The following NR4A3 variants were observed in gnomAD, a reference collection of about 807,000 sequenced individuals.
The protein encoded by NR4A3 is chondrosarcoma, extraskeletal myxoid, fused to EWS.
A neutral mutation model predicts 55.6 loss-of-function variants in NR4A3; 13 were observed. That is an observed-to-expected ratio of 0.23 (90% CI 0.15 to 0.37). The LOEUF is 0.37. Among genes scored for constraint, NR4A3 ranks in the 10% least tolerant of loss-of-function variants. The pLI, the probability that NR4A3 is intolerant of heterozygous loss-of-function variation, is 1.00. For synonymous variants in NR4A3, 342 were observed against 357.9 expected, an observed-to-expected ratio of 0.96 and a Z score of 0.50; for missense variants, 646 against 822.8, an observed-to-expected ratio of 0.79 and a Z score of 2.63.
At chr9:99,852,542 CT>C (rs2118140973) in intron 7 of NR4A3, among the ~76,000 whole-genome samples, 1 of 152,264 alleles carries the variant, frequency 6.6e-6, no homozygotes, top group East Asian at 1.9e-4. Flanking sequence ...GAGCAAAACG[CT>C]TTTCCTGTAC....
intron 3 of NR4A3, among the ~76,000 whole-genome samples, chr9:99,829,663 G>A (rs1406000503): frequency 6.6e-6 from 1 of 152,110 alleles, no homozygotes; most frequent in Non-Finnish European, 1.5e-5. Context: ...AGGGACAACT[G>A]TCTTCTTCTA....
chr9:99,864,086 G>C lies in NR4A3; in HGVS notation c.*219G>C. ...TGTTGGGGTTGTGTTTTATATTTAGGCATTGGGGGATGGGGTGGGAGGGGG... is the reference window on the plus strand; with the variant it reads ...TGTTGGGGTTGTGTTTTATATTTAGCCATTGGGGGATGGGGTGGGAGGGGG... On this transcript the variant is annotated 3_prime_UTR_variant, in exon 8 of 8. Transcript: ENST00000395097. 1 of 448,352 alleles carries C rather than the reference G, an allele frequency of 2.2e-6. No individual in the cohort carries two copies. The highest frequency in any genetic ancestry group is 4.0e-6 in the Non-Finnish European group (1 of 251,534). 27.8% of individuals were successfully genotyped at this position (448,352 alleles called of 1,614,324 possible).
chr9:99,823,152 T>C (rs1047881272), intron 1 of NR4A3, among the ~76,000 whole-genome samples: 3 of 152,172 alleles, frequency 2.0e-5, no homozygotes, highest in African/African-American at 7.2e-5. Flanking sequence ...CCCTCTCCTC[T>C]GGACGTTGGC....
rs879156300 is a variant in NR4A3 at position 99,826,614 on chromosome 9, A to G, written c.-3+782A>G. On this transcript the variant is annotated intron_variant, in intron 2 of 7. Coordinates refer to ENST00000395097, the MANE Select transcript of NR4A3 (RefSeq NM_006981.4). ...ATGATTAGCCTTTCATTTCATCCCAACAACTGGACAGCAAGATAAGTAACT... is the reference window on the plus strand; with the variant it reads ...ATGATTAGCCTTTCATTTCATCCCAGCAACTGGACAGCAAGATAAGTAACT... 27 of 634,020 alleles carry G rather than the reference A, an allele frequency of 4.3e-5. 1 individual carries two copies. In the Middle Eastern group the frequency reaches 8.5e-4, roughly 20 times the overall value. 39.3% of individuals were successfully genotyped at this position (634,020 alleles called of 1,614,324 possible).
chr9:99,843,254 A>G (rs941170323), intron 5 of NR4A3, among the ~76,000 whole-genome samples: 1 of 152,222 alleles, frequency 6.6e-6, no homozygotes, highest in Non-Finnish European at 1.5e-5. Flanking sequence ...ACATTTGGCC[A>G]TTGAACACTT....
chr9:99,832,008 G>C (rs1205872782), intron 3 of NR4A3, among the ~76,000 whole-genome samples: 7 of 151,826 alleles, frequency 4.6e-5, no homozygotes, highest in Admixed American at 4.6e-4. Flanking sequence ...TTTTTCGTTT[G>C]TACCTTGGGG....
intron 5 of NR4A3, among the ~76,000 whole-genome samples, chr9:99,838,099 T>C (rs1827591620): frequency 6.6e-6 from 1 of 152,186 alleles, no homozygotes; most frequent in South Asian, 2.1e-4. Context: ...TTGATTTGTC[T>C]CTCCTCAAAA....
chr9:99,823,406 T>C (rs1427256720), intron 1 of NR4A3, among the ~76,000 whole-genome samples: 1 of 152,082 alleles, frequency 6.6e-6, no homozygotes, highest in Non-Finnish European at 1.5e-5. Flanking sequence ...AGATTGCCTT[T>C]TATTTATTTA....
intron 3 of NR4A3, among the ~76,000 whole-genome samples, chr9:99,831,853 C>T (rs1336836344): frequency 6.6e-6 from 1 of 152,152 alleles, no homozygotes; most frequent in Non-Finnish European, 1.5e-5. Context: ...AAAAATACAA[C>T]ATCATTTTTC....
chr9:99,832,935 A>G, intron 4 of NR4A3, 117 bp downstream of exon 4: 4 of 915,298 alleles, frequency 4.4e-6, no homozygotes, highest in Non-Finnish European at 6.3e-6. Flanking sequence ...TCCTTTCAAC[A>G]TTTTATTTTT....
intron 3 of NR4A3, 63 bp from the exon 4 acceptor site, chr9:99,832,626 C>A: frequency 3.0e-6 from 4 of 1,320,658 alleles, no homozygotes; most frequent in Non-Finnish European, 2.0e-6. Context: ...TAAAATACAT[C>A]TTGTCAGGTC....
At position 99,847,394 on chromosome 9, in the gene NR4A3, T is replaced by C. The variant is rs747185159; in HGVS notation, c.1455-43T>C. 2.0e-5 allele frequency: 32 copies of C among 1,582,062 alleles called. No individual in the cohort carries two copies. In the South Asian group the frequency reaches 2.9e-4, roughly 15 times the overall value. Reference sequence around the variant, plus strand: ...TCATAATGTTATCATGTTGGACAGATTGAACAGACCTGTTTAATGTTTGTC... The same window carrying C: ...TCATAATGTTATCATGTTGGACAGACTGAACAGACCTGTTTAATGTTTGTC... On this transcript the variant is annotated intron_variant, in intron 6 of 7. Transcript: ENST00000395097.
At position 99,864,140 on chromosome 9, in the gene NR4A3, T is replaced by C. The variant is rs750954005; in HGVS notation, c.*273T>C. On this transcript the variant is annotated 3_prime_UTR_variant, in exon 8 of 8. Coordinates refer to ENST00000395097, the MANE Select transcript of NR4A3 (RefSeq NM_006981.4). ...TAGTTCATGAGGGTTTTCTAAGAAA[T>C]TGCTAACAAAGCACTTTTGGACAAT... 1.4e-5 allele frequency: 5 copies of C among 367,840 alleles called. No homozygotes were observed. Among genetic ancestry groups the C allele is most frequent in the Admixed American group, 4.3e-5 (1 of 23,386 alleles). 22.8% of individuals were successfully genotyped at this position (367,840 alleles called of 1,614,324 possible). A position where few individuals can be genotyped will look rare whatever the true frequency, so the allele number is the denominator to read the frequency against.
rs1158267526 is a variant in NR4A3, at chr9:99,822,883, G to A, written c.-177+476G>A. Among the ~76,000 whole-genome samples, 1 of 152,136 alleles carries A rather than the reference G, an allele frequency of 6.6e-6. No homozygotes were observed. The highest frequency in any genetic ancestry group is 1.5e-5 in the Non-Finnish European group (1 of 68,018). ...GTCCAAGTAAATGTTGCTAATGGTG[G>A]CACCGAGCTGGTTCTCTGGAAGGAA... On this transcript the variant is annotated intron_variant, in intron 1 of 7. Transcript: ENST00000395097. This position sits in a 1 kb window ranked among gnomAD's most constrained non-coding sequence, Gnocchi z 4.9.
At chr9:99,832,192 T>G (rs1827458240) in intron 3 of NR4A3, among the ~76,000 whole-genome samples, 1 of 152,228 alleles carries the variant, frequency 6.6e-6, no homozygotes, top group Admixed American at 6.5e-5. Context: ...CTATATGTTT[T>G]AATTAGAAAA....
At chr9:99,833,492 A>C (rs1381953829) in intron 5 of NR4A3, 38 bp downstream of exon 5, 9 of 1,613,942 alleles carry the variant, frequency 5.6e-6, no homozygotes, top group Non-Finnish European at 6.8e-6. Context: ...ATGAATGATC[A>C]GGGTCTCTAT....
At chr9:99,826,128 T>G (rs1827291243) in intron 2 of NR4A3, among the ~76,000 whole-genome samples, 1 of 152,228 alleles carries the variant, frequency 6.6e-6, no homozygotes, top group South Asian at 2.1e-4. Flanking sequence ...TAATTTCATT[T>G]TTGCTCTTCT....
At chr9:99,846,615 T>C (rs1827758000) in intron 6 of NR4A3, among the ~76,000 whole-genome samples, 1 of 152,190 alleles carries the variant, frequency 6.6e-6, no homozygotes, top group Non-Finnish European at 1.5e-5. Flanking sequence ...CTTTAATTTG[T>C]GATAGACTTC....
rs1827194119 is a variant in NR4A3, at chr9:99,822,283, C to T, written c.-301C>T. On this transcript the variant is annotated 5_prime_UTR_variant, in exon 1 of 8. Coordinates refer to ENST00000395097, the MANE Select transcript of NR4A3 (RefSeq NM_006981.4). The surrounding 1 kb of genome is among the most constrained non-coding windows in gnomAD (Gnocchi z 4.9). ...ATCCCCCACCAGCCGCTCACCGCCT[C>T]CGGGAGCCGCTGGGCTTGTACACCG... 1.3e-5 allele frequency: 2 copies of T among 152,446 alleles called. 1 individual carries two copies. Among genetic ancestry groups the T allele is most frequent in the South Asian group, 4.1e-4 (2 of 4,832 alleles). 9.4% of individuals were successfully genotyped at this position (152,446 alleles called of 1,614,324 possible).
Sources: gnomAD v4.1 joint callset for allele counts (sites outside exome capture counted in the v4.1 genomes callset) on GRCh38, gnomAD v4.1.1 for gene constraint, Gnocchi (gnomAD v3.1) non-coding constraint, MANE v1.5 for transcripts, NCBI Gene and HGNC (gene_info 2026-07-23, HGNC 2026-07-21) for gene names.